The following GRM8 variants were observed in gnomAD, a reference collection of about 807,000 sequenced individuals.
GRM8 encodes the protein glutamate metabotropic receptor 8.
GRM8 carries 47 observed loss-of-function variants against 87.2 expected under a neutral mutation model. The observed-to-expected ratio is 0.54, with a 90% CI of 0.43 to 0.69. The LOEUF (loss-of-function observed/expected upper bound fraction) is 0.69, where lower values mean the gene tolerates loss of function less well. GRM8 is among the 30% of genes least tolerant of loss of function. The pLI is 0.00. For missense variants in GRM8, 1,019 were observed against 1,139.2 expected (o/e 0.89, Z 1.52); for synonymous variants, 396 against 404.5 (o/e 0.98, Z 0.25).
At chr7:126,948,193 C>T (rs138017199) in intron 3 of GRM8, among the ~76,000 whole-genome samples, 2 of 152,032 alleles carry the variant, frequency 1.3e-5, no homozygotes, top group East Asian at 3.9e-4. Context: ...CATGATTAGA[C>T]AGGAATTTAT....
At chr7:126,936,717 T>C (rs955980389) in intron 3 of GRM8, among the ~76,000 whole-genome samples, 2 of 152,112 alleles carry the variant, frequency 1.3e-5, no homozygotes, top group Admixed American at 1.3e-4. Flanking sequence ...AGCAGGATTG[T>C]GGGAGCCAGT....
intron 9 of GRM8, among the ~76,000 whole-genome samples, chr7:126,447,970 G>A (rs55665664): frequency 0.03 from 4,631 of 152,036 alleles, 189 homozygotes; most frequent in African/African-American, 0.1. Context: ...GGATGTGTAC[G>A]TTTACGGCTT....
chr7:126,937,501 G>A (rs1274616136), intron 3 of GRM8, among the ~76,000 whole-genome samples: 2 of 152,138 alleles, frequency 1.3e-5, no homozygotes, highest in African/African-American at 2.4e-5. Flanking sequence ...TACAAGGAGG[G>A]AAGCTACCAA....
At chr7:126,793,585 TC>T (rs1335802922) in intron 6 of GRM8, among the ~76,000 whole-genome samples, 1 of 152,200 alleles carries the variant, frequency 6.6e-6, no homozygotes, top group Non-Finnish European at 1.5e-5. Context: ...TTTACTAGAC[TC>T]AAAGTTAACA....
intron 9 of GRM8, among the ~76,000 whole-genome samples, chr7:126,466,620 G>A (rs1244054682): frequency 6.6e-6 from 1 of 151,798 alleles, no homozygotes; most frequent in Non-Finnish European, 1.5e-5. Context: ...GAGTACCAGG[G>A]GAGCCAATGA....
intron 3 of GRM8, among the ~76,000 whole-genome samples, chr7:127,041,042 T>C (rs1046287005): frequency 6.6e-6 from 1 of 152,204 alleles, no homozygotes; most frequent in Non-Finnish European, 1.5e-5. Context: ...ACGCATTGAA[T>C]TAGAGTTTTA....
At chr7:126,561,788 C>A in intron 8 of GRM8, among the ~76,000 whole-genome samples, 1 of 116,138 alleles carries the variant, frequency 8.6e-6, no homozygotes, top group Admixed American at 9.9e-5. Flanking sequence ...CCCCCCACCC[C>A]ACAACAGTCC....
intron 8 of GRM8, among the ~76,000 whole-genome samples, chr7:126,559,772 G>A (rs1353408980): frequency 6.6e-6 from 1 of 152,162 alleles, no homozygotes; most frequent in African/African-American, 2.4e-5. Flanking sequence ...TGGTATGAAT[G>A]TAAACTATTA....
intron 7 of GRM8, among the ~76,000 whole-genome samples, chr7:126,692,858 TC>T (rs1452831415): frequency 6.6e-6 from 1 of 152,186 alleles, no homozygotes; most frequent in Non-Finnish European, 1.5e-5. Flanking sequence ...ATAATCACCT[TC>T]CAAATATCAA....
At chr7:126,990,446 G>T (rs932624173) in intron 3 of GRM8, among the ~76,000 whole-genome samples, 21 of 152,006 alleles carry the variant, frequency 1.4e-4, no homozygotes, top group Non-Finnish European at 2.8e-4. Flanking sequence ...GAAATAAAAA[G>T]CATGAAAATG....
chr7:126,841,895 A>T (rs921376169), intron 6 of GRM8, among the ~76,000 whole-genome samples: 2 of 152,052 alleles, frequency 1.3e-5, no homozygotes, highest in African/African-American at 4.8e-5. Context: ...GCCTCCTAAA[A>T]TGCTGGGATT....
At chr7:127,072,326 G>C (rs919653147) in intron 3 of GRM8, among the ~76,000 whole-genome samples, 2 of 152,122 alleles carry the variant, frequency 1.3e-5, no homozygotes, top group Non-Finnish European at 2.9e-5. Context: ...TACCCACAAA[G>C]AGTTCTTATG....
At chr7:126,584,486 G>T (rs1411882245) in intron 8 of GRM8, among the ~76,000 whole-genome samples, 1 of 152,126 alleles carries the variant, frequency 6.6e-6, no homozygotes, top group African/African-American at 2.4e-5. Context: ...AATGTTTGTT[G>T]ACCGATTGTC....
At chr7:126,983,747 A>G (rs1490538414) in intron 3 of GRM8, among the ~76,000 whole-genome samples, 1 of 152,180 alleles carries the variant, frequency 6.6e-6, no homozygotes, top group Non-Finnish European at 1.5e-5. Context: ...GGGAAACTAC[A>G]ATAGCCCAAT....
intron 8 of GRM8, among the ~76,000 whole-genome samples, chr7:126,602,520 G>A (rs1797910505): frequency 1.4e-5 from 2 of 140,762 alleles, no homozygotes; most frequent in African/African-American, 5.1e-5. Flanking sequence ...AAATTACCTT[G>A]GGCAGTATGG....
chr7:126,533,186 A>G lies in GRM8; in HGVS notation c.2196T>C (p.Asp732=), dbSNP rs1283194427. ...IIDYGEQRTL[D]PEKARGVLKC... is the part of the protein sequence containing the mutation. Reference sequence around the variant, plus strand: ...TGAGCACTCCCCTGGCCTTCTCTGGATCTAGTGTCCGCTGCTCTCCATAGT... The same window carrying G: ...TGAGCACTCCCCTGGCCTTCTCTGGGTCTAGTGTCCGCTGCTCTCCATAGT... Residue 732 remains aspartate, a synonymous_variant, in exon 9 of 11, where the codon GAT becomes GAC. Coordinates refer to ENST00000339582, the MANE Select transcript of GRM8 (RefSeq NM_000845.3). 1 of 1,612,880 alleles carries G rather than the reference A, an allele frequency of 6.2e-7. No individual in the cohort carries two copies. Among genetic ancestry groups the G allele is most frequent in the East Asian group, 2.2e-5 (1 of 44,792 alleles).
intron 2 of GRM8, among the ~76,000 whole-genome samples, chr7:127,147,287 C>T (rs762271359): frequency 3.3e-5 from 5 of 151,954 alleles, no homozygotes; most frequent in Non-Finnish European, 7.4e-5. Context: ...AAACATGTTC[C>T]GGCCAAAGTA....
At chr7:127,178,304 GA>G (rs1794232057) in intron 2 of GRM8, among the ~76,000 whole-genome samples, 1 of 152,002 alleles carries the variant, frequency 6.6e-6, no homozygotes, top group South Asian at 2.1e-4. Context: ...AAAAGACAAA[GA>G]AAAAGAATAA....
At chr7:126,674,044 T>G (rs551114302) in intron 7 of GRM8, among the ~76,000 whole-genome samples, 1 of 152,272 alleles carries the variant, frequency 6.6e-6, no homozygotes. Flanking sequence ...TGAACATCAT[T>G]TCTACCTAAC....
Sources: gnomAD v4.1 joint callset for allele counts (sites outside exome capture counted in the v4.1 genomes callset) on GRCh38, gnomAD v4.1.1 for gene constraint, MANE v1.5 for transcripts, NCBI Gene and HGNC (gene_info 2026-07-23, HGNC 2026-07-21) for gene names.